The following COL4A3 variants were observed in gnomAD, a reference collection of about 807,000 sequenced individuals.
The protein encoded by COL4A3 is collagen alpha-3(IV) chain.
COL4A3 carries 135 observed loss-of-function variants against 217.4 expected under a neutral mutation model. The observed-to-expected ratio is 0.62, with a 90% CI of 0.54 to 0.72. The LOEUF (loss-of-function observed/expected upper bound fraction) is 0.72, where lower values mean the gene tolerates loss of function less well. Ranked by LOEUF, COL4A3 falls within the 30% of genes least tolerant of loss-of-function variation. COL4A3 has a pLI of 0.00. For synonymous variants in COL4A3, 690 were observed against 736.3 expected, an observed-to-expected ratio of 0.94 and a Z score of 1.02; for missense variants, 1,868 against 2,119.9, an observed-to-expected ratio of 0.88 and a Z score of 2.33.
At chr2:227,170,298 T>C (rs1003080802) in intron 1 of COL4A3, among the ~76,000 whole-genome samples, 1 of 152,146 alleles carries the variant, frequency 6.6e-6, no homozygotes, top group African/African-American at 2.4e-5. Flanking sequence ...CTTTATGCCT[T>C]TTTTCCCTTG....
chr2:227,251,198 T>C lies in COL4A3; in HGVS notation c.605T>C (p.Phe202Ser), dbSNP rs1343871396. Reference sequence around the variant, plus strand: ...GTTGGCCCACCTGGTCCTCCGGGATTCTTTGTGAGTATCAAGTCATCCTTG... The same window carrying C: ...GTTGGCCCACCTGGTCCTCCGGGATCCTTTGTGAGTATCAAGTCATCCTTG... The part of the protein sequence containing the change: ...GPVGPPGPPG[F>S]FGFPGAMGPR... The change falls in exon 10 of 52, where the codon TTC becomes TCC. Residue 202 changes from phenylalanine (F) to serine (S), a missense_variant. This residue lies in a region of COL4A3 where 365 missense variants were observed against 333.8 expected (regional missense o/e 1.09). Coordinates refer to ENST00000396578, the MANE Select transcript of COL4A3 (RefSeq NM_000091.5). 3 of 1,613,288 alleles carry C rather than the reference T, an allele frequency of 1.9e-6. No individual in the cohort carries two copies. In the South Asian group the frequency reaches 3.3e-5, roughly 18 times the overall value.
At chr2:227,293,869 T>C in intron 38 of COL4A3, 3 of 449,590 alleles carry the variant, frequency 6.7e-6, no homozygotes, top group Non-Finnish European at 1.4e-5. Context: ...TCTTTTCTTA[T>C]AAAGACACCA....
chr2:227,263,859 A>T lies in COL4A3; in HGVS notation c.1230A>T (p.Gly410=). 6.2e-7 allele frequency: 1 copy of T among 1,614,148 alleles called. No individual in the cohort carries two copies. The highest frequency in any genetic ancestry group is 8.5e-7 in the Non-Finnish European group (1 of 1,179,998). The change falls in exon 21 of 52, where the codon GGA becomes GGT. Residue 410 remains glycine (G), a synonymous_variant. Transcript: ENST00000396578. Reference sequence around the variant, plus strand: ...GTAAAGGGGAACGAGGCCGCCCAGGAAAGGATGCCATGGGGACTCCTGGGT... The same window carrying T: ...GTAAAGGGGAACGAGGCCGCCCAGGTAAGGATGCCATGGGGACTCCTGGGT... The part of the protein sequence containing the change: ...KGSKGERGRP[G]KDAMGTPGSP...
intron 1 of COL4A3, among the ~76,000 whole-genome samples, chr2:227,167,558 T>C (rs943203091): frequency 6.6e-6 from 1 of 152,240 alleles, no homozygotes; most frequent in East Asian, 1.9e-4. Context: ...GATATCATGG[T>C]TTATCCTTCT....
At chr2:227,239,935 A>G (rs1277627119) in intron 2 of COL4A3, among the ~76,000 whole-genome samples, 1 of 152,212 alleles carries the variant, frequency 6.6e-6, no homozygotes, top group Non-Finnish European at 1.5e-5. Context: ...ACCACTTTCA[A>G]GCCTATAGAC....
At position 227,310,768 on chromosome 2, in the gene COL4A3, T is replaced by C. The variant is rs1460454849; in HGVS notation, c.4756-8T>C. 8 of 1,613,324 alleles carry C rather than the reference T, an allele frequency of 5.0e-6. No homozygotes were observed. Among genetic ancestry groups the C allele is most frequent in the Admixed American group, 1.7e-5 (1 of 59,990 alleles). On this transcript the variant is annotated splice_region_variant and splice_polypyrimidine_tract_variant and intron_variant, in intron 50 of 51. Coordinates refer to ENST00000396578, the MANE Select transcript of COL4A3 (RefSeq NM_000091.5). ...GAGTGTTTATTCAGATTTTTAAAAT[T>C]GTGGTAGTTCACAAGTGCAGGTTCT...
rs771403339 is a variant in COL4A3 at position 227,253,326 on chromosome 2, A to G, written c.676A>G (p.Lys226Glu). 6.2e-7 allele frequency: 1 copy of G among 1,613,852 alleles called. No individual in the cohort carries two copies. Among genetic ancestry groups the G allele is most frequent in the Non-Finnish European group, 8.5e-7 (1 of 1,179,730 alleles). Residue 226 changes from lysine (K) to glutamate (E), a missense_variant, in exon 12 of 52, where the codon AAA (lysine) becomes GAA (glutamate). Lys to Glu is a moderately conservative substitution (Grantham distance 56). This residue lies in a region of COL4A3 where 365 missense variants were observed against 333.8 expected (regional missense o/e 1.09). Coordinates refer to ENST00000396578, the MANE Select transcript of COL4A3 (RefSeq NM_000091.5). This position sits in a 1 kb window ranked among gnomAD's most constrained non-coding sequence, Gnocchi z 4.4. ...GHMGERVIGH[K>E]GERGVKGLTG... Reference sequence around the variant, plus strand: ...CATGGGTGAAAGAGTGATAGGACATAAAGGAGAGCGGGTAATTTAAATACT... The same window carrying G: ...CATGGGTGAAAGAGTGATAGGACATGAAGGAGAGCGGGTAATTTAAATACT...
intron 1 of COL4A3, among the ~76,000 whole-genome samples, chr2:227,177,468 A>G (rs961046529): frequency 1.3e-5 from 2 of 152,250 alleles, no homozygotes; most frequent in Middle Eastern, 3.4e-3. Flanking sequence ...TTTTCTAAAT[A>G]TAATTTTTAA....
At chr2:227,294,189 T>C in intron 38 of COL4A3, 1 of 369,230 alleles carries the variant, frequency 2.7e-6, no homozygotes, top group Non-Finnish European at 5.0e-6. Flanking sequence ...ATAAACTACC[T>C]GTTCAAATAC....
In COL4A3 at chr2:227,229,433, T is replaced by A. The variant is rs546371999; in HGVS notation, c.88-8535T>A. Among the ~76,000 whole-genome samples the A allele has an allele frequency of 3.9e-5, 6 of 152,356 alleles. No homozygotes were observed. The East Asian group carries it at 1.2e-3, about 29-fold the overall frequency. Reference sequence around the variant, plus strand: ...AATATGAGTTAATTCATTTATTGTTTGTTAGAGATAGATAACAGCAGTCTC... The same window carrying A: ...AATATGAGTTAATTCATTTATTGTTAGTTAGAGATAGATAACAGCAGTCTC... On this transcript the variant is annotated intron_variant, in intron 1 of 51. Transcript: ENST00000396578.
chr2:227,268,954 T>C (rs940143346), intron 23 of COL4A3, among the ~76,000 whole-genome samples: 2 of 152,214 alleles, frequency 1.3e-5, no homozygotes, highest in African/African-American at 2.4e-5. Flanking sequence ...ATAGTTTCTC[T>C]ACATTTGGCC....
intron 5 of COL4A3, among the ~76,000 whole-genome samples, chr2:227,245,216 A>G (rs2069258150): frequency 6.6e-6 from 1 of 152,128 alleles, no homozygotes; most frequent in Non-Finnish European, 1.5e-5. Context: ...ATAGGGTAGG[A>G]TAATTAGTAA....
rs1400344574 is a variant in COL4A3 at position 227,282,024 on chromosome 2, C to T, written c.2489-341C>T. Among the ~76,000 whole-genome samples, 2 of 152,164 alleles carry T rather than the reference C, an allele frequency of 1.3e-5. No individual in the cohort carries two copies. The highest frequency in any genetic ancestry group is 2.4e-5 in the African/African-American group (1 of 41,432). On this transcript the variant is annotated intron_variant, in intron 31 of 51. Transcript: ENST00000396578. This position sits in a 1 kb window ranked among gnomAD's most constrained non-coding sequence, Gnocchi z 4.4. Reference sequence around the variant, plus strand: ...CAGTGGCTCATGCCTGTAATCCCAGCACTATGGGAGGCCGAGGTGGGCGGA... The same window carrying T: ...CAGTGGCTCATGCCTGTAATCCCAGTACTATGGGAGGCCGAGGTGGGCGGA...
intron 1 of COL4A3, among the ~76,000 whole-genome samples, chr2:227,192,394 C>T (rs2066276547): frequency 6.6e-6 from 1 of 152,056 alleles, no homozygotes; most frequent in African/African-American, 2.4e-5. Context: ...ATTTGACTTG[C>T]TCATTTCATT....
chr2:227,304,249 A>G, intron 46 of COL4A3, 105 bp downstream of exon 46: 1 of 1,456,582 alleles, frequency 6.9e-7, no homozygotes, highest in East Asian at 2.3e-5. Context: ...AAAATGTTGA[A>G]CATGATAGTG....
At chr2:227,234,173 A>G (rs7603811) in intron 1 of COL4A3, among the ~76,000 whole-genome samples, 49,073 of 151,850 alleles carry the variant, frequency 0.32, 8,348 homozygotes, top group Non-Finnish European at 0.36. Flanking sequence ...GTGTATGTGT[A>G]TGTGGAGAGA....
At chr2:227,252,414 C>A (rs944544616) in intron 11 of COL4A3, among the ~76,000 whole-genome samples, 37 of 151,720 alleles carry the variant, frequency 2.4e-4, no homozygotes, top group Non-Finnish European at 4.7e-4. Flanking sequence ...CAGGGTCTTA[C>A]CATGTTGGCC....
At position 227,297,659 on chromosome 2, in the gene COL4A3, C is replaced by T. The variant is rs760184796; in HGVS notation, c.3566-15C>T. On this transcript the variant is annotated splice_polypyrimidine_tract_variant and intron_variant, in intron 41 of 51. Transcript: ENST00000396578. ...ATGGGCATTAAAGAAACTTATTAAG[C>T]CTTCTTCTTTGCAGGAGCCAAAGGA... 23 of 1,599,816 alleles carry T rather than the reference C, an allele frequency of 1.4e-5. No homozygotes were observed. The highest frequency in any genetic ancestry group is 5.1e-6 in the Non-Finnish European group (6 of 1,174,282).
intron 19 of COL4A3, 96 bp downstream of exon 19, chr2:227,259,973 G>A (rs2125957222): frequency 3.4e-6 from 3 of 889,646 alleles, no homozygotes; most frequent in South Asian, 2.6e-5. Flanking sequence ...TGACATGGGT[G>A]AGGAAAGGGA....
Sources: allele counts gnomAD v4.1 joint callset (sites outside exome capture counted in the v4.1 genomes callset), GRCh38; gene constraint gnomAD v4.1.1; regional missense constraint gnomAD v4.1.1; non-coding constraint Gnocchi (gnomAD v3.1); transcripts MANE v1.5; gene names NCBI Gene and HGNC (gene_info 2026-07-23, HGNC 2026-07-21).